Variants in NGEF observed in about 807,000 individuals in gnomAD.
NGEF encodes the protein neuronal guanine nucleotide exchange factor.
A neutral mutation model predicts 80.9 loss-of-function variants in NGEF; 31 were observed. The ratio of observed to expected loss-of-function variants is 0.38; its 90% CI spans 0.29 to 0.52. NGEF has a LOEUF of 0.52. Ranked by LOEUF, NGEF falls within the 20% of genes least tolerant of loss-of-function variation. The pLI is 0.84. For missense variants in NGEF, 709 were observed against 926.2 expected (o/e 0.77, Z 3.04); for synonymous variants, 371 against 370.2 (o/e 1.00, Z -0.03).
At chr2:232,893,544 C>T (rs373097894) in intron 6 of NGEF, among the ~76,000 whole-genome samples, 20 of 152,234 alleles carry the variant, frequency 1.3e-4, no homozygotes, top group South Asian at 8.3e-4. Context: ...GAGGCCGAGG[C>T]GGGCGGATCA....
intron 1 of NGEF, among the ~76,000 whole-genome samples, chr2:232,989,480 T>C (rs1694608111): frequency 6.6e-6 from 1 of 152,042 alleles, no homozygotes; most frequent in African/African-American, 2.4e-5. Context: ...AACAAAACTA[T>C]GCCAGAGTAT....
chr2:233,006,631 T>C (rs940133771), intron 1 of NGEF, among the ~76,000 whole-genome samples: 2 of 152,232 alleles, frequency 1.3e-5, no homozygotes, highest in Non-Finnish European at 2.9e-5. Context: ...AACTGTTGTA[T>C]TGGAAAAAGT....
rs1349480766 is a variant in NGEF at position 232,905,817 on chromosome 2, C to G, written c.829-10901G>C. On this transcript the variant is annotated intron_variant, in intron 5 of 14. Coordinates refer to ENST00000264051, the MANE Select transcript of NGEF (RefSeq NM_019850.3). Reference sequence around the variant, plus strand: ...CCGCCCCGTCTGAGAAGTGAGGAGCCCCTCCGCCCGGCTGCCACCCCGTCT... The same window carrying G: ...CCGCCCCGTCTGAGAAGTGAGGAGCGCCTCCGCCCGGCTGCCACCCCGTCT... 9.7e-5 allele frequency: 29 copies of G among 298,392 alleles called. No individual in the cohort carries two copies. The East Asian group carries it at 4.4e-3, about 46-fold the overall frequency. The allele number at this position is 298,392 out of a possible 1,614,324, so 18.5% of individuals were successfully genotyped here. A position where few individuals can be genotyped will look rare whatever the true frequency, so the allele number is the denominator to read the frequency against.
At chr2:232,980,795 G>C (rs6760133) in intron 1 of NGEF, among the ~76,000 whole-genome samples, 1 of 151,976 alleles carries the variant, frequency 6.6e-6, no homozygotes, top group South Asian at 2.1e-4. Flanking sequence ...CAGACAGCTC[G>C]CAGAGCATTC....
At chr2:232,922,939 G>A (rs1165511894) in intron 4 of NGEF, among the ~76,000 whole-genome samples, 2 of 151,894 alleles carry the variant, frequency 1.3e-5, no homozygotes, top group African/African-American at 2.4e-5. Context: ...GTGTGGTGGC[G>A]GGTGCCTATA....
intron 5 of NGEF, among the ~76,000 whole-genome samples, chr2:232,911,691 T>C (rs1692694362): frequency 2.0e-5 from 3 of 152,198 alleles, no homozygotes. Flanking sequence ...CCTCACTGAT[T>C]TGTGGTTTTC....
chr2:233,002,890 G>A (rs1360943590), intron 1 of NGEF, among the ~76,000 whole-genome samples: 1 of 152,174 alleles, frequency 6.6e-6, no homozygotes, highest in Non-Finnish European at 1.5e-5. Flanking sequence ...AGGCCTGGAG[G>A]GTGGGGCCCA....
At chr2:232,928,322 G>C (rs1449031882) in intron 3 of NGEF, among the ~76,000 whole-genome samples, 1 of 149,982 alleles carries the variant, frequency 6.7e-6, no homozygotes, top group Non-Finnish European at 1.5e-5. Context: ...CCTGCCGCGG[G>C]CTCGCGCCTT....
chr2:232,946,934 C>CAAACCAA (rs1193882239), intron 3 of NGEF, among the ~76,000 whole-genome samples: 3 of 152,104 alleles, frequency 2.0e-5, no homozygotes, highest in African/African-American at 7.2e-5. Flanking sequence ...AACCAAAAAA[C>CAAACCAA]AAAGGAAGGG....
chr2:232,896,977 G>A (rs1177320397), intron 5 of NGEF, among the ~76,000 whole-genome samples: 11 of 132,670 alleles, frequency 8.3e-5, no homozygotes, highest in African/African-American at 3.0e-4. Flanking sequence ...GTAGTGGTGG[G>A]GTTAAGGGTG....
At chr2:232,898,402 C>T (rs1459744662) in intron 5 of NGEF, among the ~76,000 whole-genome samples, 3 of 152,216 alleles carry the variant, frequency 2.0e-5, no homozygotes, top group Non-Finnish European at 4.4e-5. Flanking sequence ...GGCCTTTCAG[C>T]TGTGGGCCTT....
At chr2:232,926,202 GAT>G (rs1365984180) in intron 4 of NGEF, among the ~76,000 whole-genome samples, 2 of 152,190 alleles carry the variant, frequency 1.3e-5, no homozygotes, top group African/African-American at 4.8e-5. Context: ...TTATTTAACA[GAT>G]AGACTGTCGG....
chr2:232,885,168 G>A, intron 10 of NGEF, 112 bp downstream of exon 10: 2 of 927,974 alleles, frequency 2.2e-6, no homozygotes, highest in Non-Finnish European at 3.4e-6. Flanking sequence ...CCTAAGTGTG[G>A]CCAGTGACCA....
intron 4 of NGEF, among the ~76,000 whole-genome samples, chr2:232,924,129 CAGG>C (rs1693007865): frequency 1.3e-5 from 2 of 152,112 alleles, no homozygotes; most frequent in Non-Finnish European, 2.9e-5. Context: ...CCCAGCTACT[CAGG>C]AAGCTGAGGT....
chr2:232,968,092 G>GTTTTTTTTTTTTTTTTTTTTT (rs529799953), intron 3 of NGEF, among the ~76,000 whole-genome samples: 2 of 107,216 alleles, frequency 1.9e-5, no homozygotes, highest in African/African-American at 1.0e-4. Flanking sequence ...AACAGACCTG[G>GTTTTTTTTTTTTTTTTTTTTT]CTTTTTTTTT....
intron 3 of NGEF, among the ~76,000 whole-genome samples, chr2:232,967,493 C>CTGTA (rs201409990): frequency 0.27 from 40,570 of 151,762 alleles, 5,859 homozygotes; most frequent in Non-Finnish European, 0.31. Flanking sequence ...TACTACCATC[C>CTGTA]CGGACTTATT....
Position 232,993,094 on chromosome 2 carries a change from TATAA to T in NGEF, c.-74-18134_-74-18131del, listed in dbSNP as rs1413552359. Among the ~76,000 whole-genome samples, 193 of 68,606 alleles carry T rather than the reference TATAA, an allele frequency of 2.8e-3. 2 individuals are homozygous for T. Among genetic ancestry groups the T allele is most frequent in the Non-Finnish European group, 3.9e-3 (137 of 35,158 alleles). The allele number at this position is 68,606 out of a possible 152,430, so 45.0% of individuals were successfully genotyped here. A position where few individuals can be genotyped will look rare whatever the true frequency, so the allele number is the denominator to read the frequency against. On this transcript the variant is annotated intron_variant, in intron 1 of 14. Transcript: ENST00000264051. Reference sequence around the variant, plus strand: ...GTGTATCTATACGGGCAAATATATATATAAATAAATAAATATATATATATAAATA... The same window carrying T: ...GTGTATCTATACGGGCAAATATATATATAAATAAATATATATATATAAATA...
At chr2:233,005,064 A>G (rs1695058128) in intron 1 of NGEF, among the ~76,000 whole-genome samples, 1 of 152,178 alleles carries the variant, frequency 6.6e-6, no homozygotes, top group Admixed American at 6.5e-5. Context: ...TTGCTAACCT[A>G]TCACAGCACA....
rs188241089 is a variant in NGEF, at chr2:232,895,437, G to A, written c.829-521C>T. Among the ~76,000 whole-genome samples the A allele has an allele frequency of 1.7e-3, 258 of 151,350 alleles. 1 individual carries two copies. The highest frequency in any genetic ancestry group is 8.5e-3 in the South Asian group (41 of 4,800). On this transcript the variant is annotated intron_variant, in intron 5 of 14. Transcript: ENST00000264051. The stretch of plus-strand genomic sequence containing the variant: ...AGCTGCTTGGGAGGCTGAGGCATGA[G>A]AATCACTTGAACCTGGGAGGCAGAG...
Sources: allele counts gnomAD v4.1 joint callset (sites outside exome capture counted in the v4.1 genomes callset), GRCh38; gene constraint gnomAD v4.1.1; transcripts MANE v1.5; gene names NCBI Gene and HGNC (gene_info 2026-07-23, HGNC 2026-07-21).